Variants in ARNT2 observed in about 807,000 individuals in gnomAD.
ARNT2 encodes aryl hydrocarbon receptor nuclear translocator 2.
Under a neutral mutation model 91.7 loss-of-function variants are expected in ARNT2, and 36 were observed. The ratio of observed to expected loss-of-function variants is 0.39; its 90% confidence interval spans 0.30 to 0.52. The LOEUF (loss-of-function observed/expected upper bound fraction) is 0.52. Among genes scored for constraint, ARNT2 ranks in the 20% least tolerant of loss-of-function variants. The pLI is 0.72. For synonymous variants in ARNT2, 365 were observed against 347.1 expected (o/e 1.05, Z -0.57); for missense variants, 775 against 939.3 (o/e 0.83, Z 2.29).
At position 80,411,853 on chromosome 15, in the gene ARNT2, A is replaced by G. The variant is rs549788959; in HGVS notation, c.31+7307A>G. Reference sequence around the variant, plus strand: ...AAGAAGGGTAGGTGATAGCTTGGAGACTGGCTGGTGGTAGTGGTAGGTTCC... The same window carrying G: ...AAGAAGGGTAGGTGATAGCTTGGAGGCTGGCTGGTGGTAGTGGTAGGTTCC... On this transcript the variant is annotated intron_variant, in intron 1 of 18. Coordinates refer to ENST00000303329, the MANE Select transcript of ARNT2 (RefSeq NM_014862.4). 9.8e-5 allele frequency among the ~76,000 whole-genome samples: 15 copies of G among 152,300 alleles called. No homozygotes were observed. In the South Asian group the frequency reaches 3.1e-3, roughly 32 times the overall value.
At chr15:80,477,494 A>C (rs1300886001) in intron 5 of ARNT2, among the ~76,000 whole-genome samples, 1 of 152,262 alleles carries the variant, frequency 6.6e-6, no homozygotes, top group Non-Finnish European at 1.5e-5. Context: ...GTAAGCATTT[A>C]GTCCATTGCA....
chr15:80,447,862 C>T (rs1896328700), intron 1 of ARNT2, among the ~76,000 whole-genome samples: 1 of 152,102 alleles, frequency 6.6e-6, no homozygotes, highest in African/African-American at 2.4e-5. Context: ...ATTTAGTATC[C>T]AGAACACTTA....
At chr15:80,442,961 A>G (rs574499682) in intron 1 of ARNT2, 271 of 985,352 alleles carry the variant, frequency 2.8e-4, no homozygotes, top group Non-Finnish European at 3.2e-4. Flanking sequence ...CGGCTCCATC[A>G]TTCAGGCCTT....
chr15:80,502,813 A>T (rs1228034673), intron 5 of ARNT2, among the ~76,000 whole-genome samples: 2 of 152,010 alleles, frequency 1.3e-5, no homozygotes, highest in Non-Finnish European at 1.5e-5. Context: ...ATTAGGAGGG[A>T]AAGGAGCAGG....
At chr15:80,462,834 G>A (rs777481860) in intron 3 of ARNT2, among the ~76,000 whole-genome samples, 1 of 152,164 alleles carries the variant, frequency 6.6e-6, no homozygotes, top group Non-Finnish European at 1.5e-5. Context: ...AGATATTCAC[G>A]GTAGGAAAGC....
Position 80,498,454 on chromosome 15 carries a change from C to T in ARNT2, c.623-9702C>T, listed in dbSNP as rs561632032. Among the ~76,000 whole-genome samples, 347 of 152,322 alleles carry T rather than the reference C, an allele frequency of 2.3e-3. 8 individuals are homozygous for T. In the South Asian group the frequency reaches 0.041, roughly 18 times the overall value. ...ATATATAGGTGATGGTCCAAATCCACGCACTAGGAGAGTGAAAAGAGGCTG... is the reference window on the plus strand; with the variant it reads ...ATATATAGGTGATGGTCCAAATCCATGCACTAGGAGAGTGAAAAGAGGCTG... On this transcript the variant is annotated intron_variant, in intron 5 of 18. Coordinates refer to ENST00000303329, the MANE Select transcript of ARNT2 (RefSeq NM_014862.4).
intron 8 of ARNT2, among the ~76,000 whole-genome samples, chr15:80,527,145 T>C (rs1566993722): frequency 1.3e-5 from 2 of 152,216 alleles, no homozygotes; most frequent in South Asian, 4.1e-4. Flanking sequence ...ACTCTTCCAT[T>C]TTGTTCCATA....
At chr15:80,487,085 G>A (rs1458428165) in intron 5 of ARNT2, among the ~76,000 whole-genome samples, 1 of 152,156 alleles carries the variant, frequency 6.6e-6, no homozygotes, top group African/African-American at 2.4e-5. Flanking sequence ...GGCAGGGCTT[G>A]GAATTCAGTC....
intron 12 of ARNT2, among the ~76,000 whole-genome samples, chr15:80,570,011 TC>T (rs1276906106): frequency 1.3e-5 from 2 of 152,264 alleles, no homozygotes; most frequent in African/African-American, 2.4e-5. Context: ...TTTTTCTCTT[TC>T]CTGTGGCTCA....
chr15:80,467,193 G>A (rs558476978), intron 3 of ARNT2, among the ~76,000 whole-genome samples: 1 of 152,300 alleles, frequency 6.6e-6, no homozygotes, highest in African/African-American at 2.4e-5. Context: ...AAACTGGAGG[G>A]TGAGACTGGA....
At chr15:80,455,587 CAA>C (rs1450503960) in intron 2 of ARNT2, among the ~76,000 whole-genome samples, 2 of 152,070 alleles carry the variant, frequency 1.3e-5, no homozygotes, top group East Asian at 3.9e-4. Flanking sequence ...TTTGCAAAAA[CAA>C]AAGTGACCAA....
intron 5 of ARNT2, among the ~76,000 whole-genome samples, chr15:80,479,289 G>A (rs1377496681): frequency 2.6e-5 from 4 of 152,192 alleles, no homozygotes; most frequent in Non-Finnish European, 5.9e-5. Flanking sequence ...GTTCTTTGTT[G>A]AATTAAATTT....
At chr15:80,453,763 A>G (rs558044966) in intron 2 of ARNT2, among the ~76,000 whole-genome samples, 1 of 152,244 alleles carries the variant, frequency 6.6e-6, no homozygotes, top group East Asian at 1.9e-4. Flanking sequence ...AATGTGGGAC[A>G]TGGTGGAGAG....
intron 8 of ARNT2, among the ~76,000 whole-genome samples, chr15:80,540,561 C>T (rs1418125435): frequency 1.3e-5 from 2 of 152,018 alleles, no homozygotes; most frequent in East Asian, 3.9e-4. Context: ...GGGTATATTG[C>T]TGATGCTGAG....
intron 14 of ARNT2, among the ~76,000 whole-genome samples, chr15:80,575,566 A>T (rs184642360): frequency 6.6e-6 from 1 of 152,314 alleles, no homozygotes; most frequent in African/African-American, 2.4e-5. Flanking sequence ...CTCGTGTAAA[A>T]TTCTAAACAG....
chr15:80,535,557 A>G (rs902960041), intron 8 of ARNT2, among the ~76,000 whole-genome samples: 1 of 152,178 alleles, frequency 6.6e-6, no homozygotes, highest in African/African-American at 2.4e-5. Flanking sequence ...TTGCCTGTTC[A>G]TGCTGTGTGC....
chr15:80,525,941 A>C (rs77747948), intron 8 of ARNT2, among the ~76,000 whole-genome samples: 4,890 of 152,294 alleles, frequency 0.032, 298 homozygotes, highest in East Asian at 0.23. Context: ...AAAAATATCT[A>C]AAGGCAACCT....
intron 3 of ARNT2, among the ~76,000 whole-genome samples, chr15:80,461,819 C>T (rs1341028365): frequency 6.6e-6 from 1 of 152,152 alleles, no homozygotes; most frequent in Non-Finnish European, 1.5e-5. Context: ...AGCCTTTCTT[C>T]CTGGGCTCAG....
At chr15:80,458,196 ACT>A (rs1896505724) in intron 3 of ARNT2, among the ~76,000 whole-genome samples, 1 of 151,960 alleles carries the variant, frequency 6.6e-6, no homozygotes, top group Non-Finnish European at 1.5e-5. Flanking sequence ...TAAGTTATTA[ACT>A]CTGTTTGCTT....
Sources: gnomAD v4.1 joint callset for allele counts (sites outside exome capture counted in the v4.1 genomes callset) on GRCh38, gnomAD v4.1.1 for gene constraint, MANE v1.5 for transcripts, NCBI Gene and HGNC (gene_info 2026-07-23, HGNC 2026-07-21) for gene names.